The following GALNT18 variants were observed in gnomAD, a reference collection of about 807,000 sequenced individuals.
GALNT18 encodes polypeptide N-acetylgalactosaminyltransferase 18, also known as GalNAc-transferase 18.
Under a neutral mutation model 69.5 loss-of-function variants are expected in GALNT18, and 44 were observed. That is an observed-to-expected ratio of 0.63 (90% CI 0.50 to 0.81). The LOEUF (loss-of-function observed/expected upper bound fraction) is 0.81. Ranked by LOEUF, GALNT18 falls within the 40% of genes least tolerant of loss-of-function variation. The pLI is 0.00. For missense variants in GALNT18, 715 were observed against 810.0 expected (o/e 0.88, Z 1.42); for synonymous variants, 364 against 318.2 (o/e 1.14, Z -1.53).
intron 1 of GALNT18, among the ~76,000 whole-genome samples, chr11:11,517,152 C>T (rs929359720): frequency 2.0e-5 from 3 of 152,234 alleles, no homozygotes; most frequent in African/African-American, 7.2e-5. Context: ...CTTGGACTTC[C>T]AGCCTCCAGA....
At chr11:11,522,842 C>T (rs941940888) in intron 1 of GALNT18, among the ~76,000 whole-genome samples, 3 of 152,162 alleles carry the variant, frequency 2.0e-5, no homozygotes, top group Admixed American at 1.3e-4. Context: ...CACACATTTG[C>T]CACACAGACA....
At position 11,337,130 on chromosome 11, in the gene GALNT18, T is replaced by A. The variant is rs574119970; in HGVS notation, c.1278+3689A>T. 6.6e-6 allele frequency among the ~76,000 whole-genome samples: 1 copy of A among 152,246 alleles called. No homozygotes were observed. Among genetic ancestry groups the A allele is most frequent in the Admixed American group, 6.5e-5 (1 of 15,294 alleles). The stretch of plus-strand genomic sequence containing the variant: ...CTGGCACCTACCGCTCAAAATCCTC[T>A]CTGAGGATGAGACCCAGATGAGTAT... On this transcript the variant is annotated intron_variant, in intron 7 of 10. Transcript: ENST00000227756. This position sits in a 1 kb window ranked among gnomAD's most constrained non-coding sequence, Gnocchi z 4.9.
At position 11,583,667 on chromosome 11, in the gene GALNT18, G is replaced by A. The variant is rs544367472; in HGVS notation, c.235+37692C>T. 1.3e-5 allele frequency among the ~76,000 whole-genome samples: 2 copies of A among 152,276 alleles called. No homozygotes were observed. The highest frequency in any genetic ancestry group is 1.3e-4 in the Admixed American group (2 of 15,292). ...CCACTTCTTCAAATGCCGACATTTT[G>A]AAGAACACACACCAAGATATTTCCA... is the stretch of plus-strand genomic sequence containing the variant. On this transcript the variant is annotated intron_variant, in intron 1 of 10. Coordinates refer to ENST00000227756, the MANE Select transcript of GALNT18 (RefSeq NM_198516.3). The surrounding 1 kb of genome is among the most constrained non-coding windows in gnomAD (Gnocchi z 4.7).
chr11:11,337,961 A>ATTT lies in GALNT18; in HGVS notation c.1278+2855_1278+2857dup, dbSNP rs11351706. Among the ~76,000 whole-genome samples, 136 of 118,782 alleles carry ATTT rather than the reference A, an allele frequency of 1.1e-3. 1 individual carries two copies. Among genetic ancestry groups the ATTT allele is most frequent in the African/African-American group, 3.8e-3 (116 of 30,490 alleles). The allele number at this position is 118,782 out of a possible 152,430, so 77.9% of individuals were successfully genotyped here. A position where few individuals can be genotyped will look rare whatever the true frequency, so the allele number is the denominator to read the frequency against. On this transcript the variant is annotated intron_variant, in intron 7 of 10. Coordinates refer to ENST00000227756, the MANE Select transcript of GALNT18 (RefSeq NM_198516.3). This position sits in a 1 kb window ranked among gnomAD's most constrained non-coding sequence, Gnocchi z 4.9. ...TGTACATAGCAGGAGTCATTTAAAG[A>ATTT]TTTTTTTTTTTTTTTTTTTTTTGAG... is the stretch of plus-strand genomic sequence containing the variant.
chr11:11,376,428 C>T (rs12575708), intron 5 of GALNT18, among the ~76,000 whole-genome samples: 20,602 of 150,954 alleles, frequency 0.14, 1,488 homozygotes, highest in Middle Eastern at 0.18. Context: ...GTGGGGACAG[C>T]TTTTGGAGGA....
At chr11:11,484,206 GTT>G (rs1162057511) in intron 1 of GALNT18, among the ~76,000 whole-genome samples, 1 of 152,206 alleles carries the variant, frequency 6.6e-6, no homozygotes, top group Non-Finnish European at 1.5e-5. Flanking sequence ...ATCCGAACCT[GTT>G]TGTAAGGCAG....
At chr11:11,317,586 TG>T (rs1354069107) in intron 9 of GALNT18, among the ~76,000 whole-genome samples, 2 of 152,320 alleles carry the variant, frequency 1.3e-5, no homozygotes, top group African/African-American at 4.8e-5. Context: ...ATGGGTTATT[TG>T]TTTTTGCTTG....
At chr11:11,373,316 A>G (rs1339344371) in intron 5 of GALNT18, among the ~76,000 whole-genome samples, 1 of 152,126 alleles carries the variant, frequency 6.6e-6, no homozygotes, top group African/African-American at 2.4e-5. Flanking sequence ...TCAGGAACAG[A>G]GATAGGAATT....
intron 1 of GALNT18, among the ~76,000 whole-genome samples, chr11:11,610,188 G>A (rs369972325): frequency 5.9e-5 from 9 of 152,174 alleles, no homozygotes; most frequent in Admixed American, 3.9e-4. Context: ...CAGTCTCAAC[G>A]TTTCTGCTAA....
At chr11:11,482,437 G>C (rs927993910) in intron 1 of GALNT18, among the ~76,000 whole-genome samples, 1 of 152,250 alleles carries the variant, frequency 6.6e-6, no homozygotes, top group Non-Finnish European at 1.5e-5. Context: ...GGTCAGCTTG[G>C]ACTGTTCTGC....
rs1052803923 is a variant in GALNT18, at chr11:11,339,831, C to T, written c.1278+988G>A. 6.6e-6 allele frequency among the ~76,000 whole-genome samples: 1 copy of T among 152,206 alleles called. No homozygotes were observed. Among genetic ancestry groups the T allele is most frequent in the Non-Finnish European group, 1.5e-5 (1 of 68,038 alleles). On this transcript the variant is annotated intron_variant, in intron 7 of 10. Transcript: ENST00000227756. This position sits in a 1 kb window ranked among gnomAD's most constrained non-coding sequence, Gnocchi z 5.2. The stretch of plus-strand genomic sequence containing the variant: ...AAGCTCCCACCCATGAACCAGTCAA[C>T]TTCCTCAATCATTTAACCAGAGCAA...
At chr11:11,416,360 A>G (rs917982127) in intron 3 of GALNT18, among the ~76,000 whole-genome samples, 6 of 152,340 alleles carry the variant, frequency 3.9e-5, no homozygotes, top group Admixed American at 1.3e-4. Context: ...TCTCATCAGC[A>G]GGATCCTTCA....
At chr11:11,294,094 T>C (rs1436538823) in intron 9 of GALNT18, among the ~76,000 whole-genome samples, 2 of 152,160 alleles carry the variant, frequency 1.3e-5, no homozygotes, top group African/African-American at 4.8e-5. Flanking sequence ...ATAGCTGTAC[T>C]CACTGCTATG....
At chr11:11,544,829 T>C (rs765168210) in intron 1 of GALNT18, among the ~76,000 whole-genome samples, 1 of 152,218 alleles carries the variant, frequency 6.6e-6, no homozygotes, top group African/African-American at 2.4e-5. Flanking sequence ...TCTGGTGCTA[T>C]GGAAGAAATC....
At chr11:11,424,558 C>T (rs985192999) in intron 3 of GALNT18, among the ~76,000 whole-genome samples, 4 of 152,144 alleles carry the variant, frequency 2.6e-5, no homozygotes, top group African/African-American at 7.2e-5. Flanking sequence ...CTACGATGAG[C>T]GGCACACTGG....
chr11:11,551,933 TG>T (rs1858205455), intron 1 of GALNT18, among the ~76,000 whole-genome samples: 1 of 151,968 alleles, frequency 6.6e-6, no homozygotes, highest in Non-Finnish European at 1.5e-5. Flanking sequence ...TTCTTAAGGG[TG>T]GGGGAGATTA....
chr11:11,288,803 A>ATTT (rs1407857752), intron 10 of GALNT18, among the ~76,000 whole-genome samples: 4 of 152,216 alleles, frequency 2.6e-5, no homozygotes, highest in Non-Finnish European at 5.9e-5. Flanking sequence ...TTTGTTAAGC[A>ATTT]GAAAATCAGG....
At chr11:11,274,906 C>T (rs113233995) in intron 10 of GALNT18, among the ~76,000 whole-genome samples, 1 of 152,326 alleles carries the variant, frequency 6.6e-6, no homozygotes, top group African/African-American at 2.4e-5. Flanking sequence ...CATAGTGTTC[C>T]ATGGTGTATA....
chr11:11,271,126 G>A lies in GALNT18; in HGVS notation c.*18C>T, dbSNP rs372538965. On this transcript the variant is annotated 3_prime_UTR_variant, in exon 11 of 11. Coordinates refer to ENST00000227756, the MANE Select transcript of GALNT18 (RefSeq NM_198516.3). ...GCTACACAGTAGCAAAGAGGCAGCC[G>A]GAAGTGGCCCCGGTGGGTCAGGACG... 1.2e-5 allele frequency: 20 copies of A among 1,602,302 alleles called. No homozygotes were observed. The highest frequency in any genetic ancestry group is 9.0e-5 in the East Asian group (4 of 44,516).
Sources: allele counts gnomAD v4.1 joint callset (sites outside exome capture counted in the v4.1 genomes callset), GRCh38; gene constraint gnomAD v4.1.1; non-coding constraint Gnocchi (gnomAD v3.1); transcripts MANE v1.5; gene names NCBI Gene and HGNC (gene_info 2026-07-23, HGNC 2026-07-21).